The following CCDC192 variants were observed in gnomAD, a reference collection of about 807,000 sequenced individuals.
The protein encoded by CCDC192 is coiled-coil domain containing 192.
intron 2 of CCDC192, among the ~76,000 whole-genome samples, chr5:127,735,092 A>G: frequency 7.7e-6 from 1 of 129,786 alleles, no homozygotes; most frequent in Non-Finnish European, 1.6e-5. Flanking sequence ...TCCATCTTGA[A>G]TTGATTTTTG....
At chr5:127,926,338 C>T (rs1753861673) in intron 6 of CCDC192, among the ~76,000 whole-genome samples, 1 of 152,204 alleles carries the variant, frequency 6.6e-6, no homozygotes, top group Admixed American at 6.5e-5. Context: ...AGTGACTCCT[C>T]ATCAGCTTGT....
In CCDC192 at chr5:127,739,200, CAG is replaced by C. The variant is rs560709799; in HGVS notation, c.115-15067_115-15066del. Among the ~76,000 whole-genome samples, 607 of 152,228 alleles carry C rather than the reference CAG, an allele frequency of 4.0e-3. 2 individuals carry two copies. The highest frequency in any genetic ancestry group is 6.8e-3 in the Middle Eastern group (2 of 294). Reference sequence around the variant, plus strand: ...TGGAATACCCTGCCGTGTGAGGTGTCAGTGTGCCCCTGCTGGGGGGTGCCTCC... The same window carrying C: ...TGGAATACCCTGCCGTGTGAGGTGTCTGTGCCCCTGCTGGGGGGTGCCTCC... On this transcript the variant is annotated intron_variant, in intron 2 of 6. Coordinates refer to ENST00000514853, the MANE Select transcript of CCDC192 (RefSeq NM_001317938.2).
In CCDC192 at chr5:127,923,712, T is replaced by C. The variant is rs994540376; in HGVS notation, c.536-17470T>C. 9.8e-5 allele frequency among the ~76,000 whole-genome samples: 15 copies of C among 152,298 alleles called. 1 individual carries two copies. In the South Asian group the frequency reaches 2.7e-3, roughly 27 times the overall value. ...TCTTAACCAATCATGGCATTGATTT[T>C]TTTTTTTCTTTGTCAAGGGCTGCTT... On this transcript the variant is annotated intron_variant, in intron 6 of 6. Coordinates refer to ENST00000514853, the MANE Select transcript of CCDC192 (RefSeq NM_001317938.2).
At chr5:127,839,226 T>C (rs1425349581) in intron 5 of CCDC192, among the ~76,000 whole-genome samples, 1 of 152,068 alleles carries the variant, frequency 6.6e-6, no homozygotes, top group Non-Finnish European at 1.5e-5. Context: ...AAGTGTTAAA[T>C]TACAGTACAA....
At chr5:127,850,664 C>T (rs189384364) in intron 5 of CCDC192, among the ~76,000 whole-genome samples, 14 of 152,158 alleles carry the variant, frequency 9.2e-5, no homozygotes, top group Admixed American at 2.0e-4. Context: ...TAGCAAATTT[C>T]GGTTTCCAAA....
At chr5:127,827,150 G>A (rs1749569778) in intron 5 of CCDC192, among the ~76,000 whole-genome samples, 1 of 152,164 alleles carries the variant, frequency 6.6e-6, no homozygotes, top group Non-Finnish European at 1.5e-5. Flanking sequence ...AGGGCTGTCT[G>A]GGCCAGCTCT....
intron 3 of CCDC192, among the ~76,000 whole-genome samples, chr5:127,775,771 C>T (rs900308802): frequency 2.2e-4 from 33 of 152,240 alleles, no homozygotes; most frequent in East Asian, 1.4e-3. Context: ...ATTATGAGGG[C>T]GGTTCCCCCA....
rs889572043 is a variant in CCDC192 at position 127,905,422 on chromosome 5, A to C, written c.535+29761A>C. 4.6e-5 allele frequency among the ~76,000 whole-genome samples: 7 copies of C among 152,322 alleles called. No homozygotes were observed. In the East Asian group the frequency reaches 1.2e-3, roughly 25 times the overall value. ...CCTTTATTTGTGGTGTTTACATCAT[A>C]TAATGATGAATTTTAATTTAGAAAA... On this transcript the variant is annotated intron_variant, in intron 6 of 6. Transcript: ENST00000514853.
chr5:127,812,994 G>A (rs1758165475), intron 5 of CCDC192, among the ~76,000 whole-genome samples: 1 of 152,146 alleles, frequency 6.6e-6, no homozygotes, highest in African/African-American at 2.4e-5. Flanking sequence ...TTTTTATGAT[G>A]CATATTTCCT....
Position 127,918,560 on chromosome 5 carries a change from C to T in CCDC192, c.536-22622C>T, listed in dbSNP as rs146036396. On this transcript the variant is annotated intron_variant, in intron 6 of 6. Coordinates refer to ENST00000514853, the MANE Select transcript of CCDC192 (RefSeq NM_001317938.2). ...ATGTGTCCCAACCTCAAAAAAGCCCCAAAATGAAGGAGTCCCATTCAAACA... is the reference window on the plus strand; with the variant it reads ...ATGTGTCCCAACCTCAAAAAAGCCCTAAAATGAAGGAGTCCCATTCAAACA... Among the ~76,000 whole-genome samples, 82 of 152,276 alleles carry T rather than the reference C, an allele frequency of 5.4e-4. 1 individual carries two copies. In the East Asian group the frequency reaches 0.012, roughly 22 times the overall value.
At chr5:127,909,910 A>G (rs1379676221) in intron 6 of CCDC192, among the ~76,000 whole-genome samples, 3 of 152,216 alleles carry the variant, frequency 2.0e-5, no homozygotes, top group African/African-American at 7.2e-5. Context: ...TGCCTCTTCT[A>G]TGAAAAGGAA....
At chr5:127,889,916 C>G (rs1752685151) in intron 6 of CCDC192, among the ~76,000 whole-genome samples, 1 of 150,804 alleles carries the variant, frequency 6.6e-6, no homozygotes, top group Non-Finnish European at 1.5e-5. Context: ...TTCAAGGTAA[C>G]TTTTCTGGTT....
intron 2 of CCDC192, among the ~76,000 whole-genome samples, chr5:127,715,646 G>A (rs1234542233): frequency 6.6e-6 from 1 of 152,148 alleles, no homozygotes; most frequent in Non-Finnish European, 1.5e-5. Context: ...GATAGGGATT[G>A]CATTTAATCT....
chr5:127,759,057 G>A (rs971593389), intron 3 of CCDC192, among the ~76,000 whole-genome samples: 5 of 152,178 alleles, frequency 3.3e-5, no homozygotes, highest in African/African-American at 4.8e-5. Flanking sequence ...CCCAGCTCCA[G>A]GTATCAGATC....
intron 5 of CCDC192, among the ~76,000 whole-genome samples, chr5:127,848,321 G>A (rs981710744): frequency 6.6e-6 from 1 of 152,150 alleles, no homozygotes; most frequent in Non-Finnish European, 1.5e-5. Context: ...TTTAGCCATT[G>A]CCCAACTTGA....
At chr5:127,907,447 G>T (rs1343208687) in intron 6 of CCDC192, among the ~76,000 whole-genome samples, 1 of 152,010 alleles carries the variant, frequency 6.6e-6, no homozygotes, top group Non-Finnish European at 1.5e-5. Context: ...TCCAATATTA[G>T]TATCAATTAT....
intron 2 of CCDC192, among the ~76,000 whole-genome samples, chr5:127,747,232 A>G (rs1753814344): frequency 6.6e-6 from 1 of 151,874 alleles, no homozygotes; most frequent in South Asian, 2.1e-4. Flanking sequence ...CATTAGGTAT[A>G]TCTCCCAATG....
chr5:127,763,440 C>T (rs1755042069), intron 3 of CCDC192, among the ~76,000 whole-genome samples: 1 of 152,152 alleles, frequency 6.6e-6, no homozygotes, highest in Non-Finnish European at 1.5e-5. Context: ...CATTTTTGTC[C>T]AGGCTACCTT....
In CCDC192 at chr5:127,791,483, C is replaced by T. The variant is rs571504600; in HGVS notation, c.223-5620C>T. Among the ~76,000 whole-genome samples, 4 of 152,296 alleles carry T rather than the reference C, an allele frequency of 2.6e-5. No homozygotes were observed. In the East Asian group the frequency reaches 7.7e-4, roughly 29 times the overall value. On this transcript the variant is annotated intron_variant, in intron 3 of 6. Transcript: ENST00000514853. ...AAAATAACTACTGAACTGGCAAGAA[C>T]TGTCAGAATCAATCATTTCAGAACT... is the stretch of plus-strand genomic sequence containing the variant.
Sources: gnomAD v4.1 joint callset for allele counts (sites outside exome capture counted in the v4.1 genomes callset) on GRCh38, gnomAD v4.1.1 for gene constraint, MANE v1.5 for transcripts, NCBI Gene and HGNC (gene_info 2026-07-23, HGNC 2026-07-21) for gene names.